The following FAM120B variants were observed in gnomAD, a reference collection of about 807,000 sequenced individuals.
FAM120B encodes the protein constitutive coactivator of peroxisome proliferator-activated receptor gamma.
FAM120B carries 83 observed loss-of-function variants against 96.3 expected under a neutral mutation model. The observed-to-expected ratio is 0.86, with a 90% CI of 0.72 to 1.03. FAM120B has a LOEUF of 1.03. FAM120B is among the 50% of genes least tolerant of loss of function. The pLI is 0.00. For missense variants in FAM120B, 1,027 were observed against 1,121.2 expected (o/e 0.92, Z 1.20); for synonymous variants, 407 against 402.7 (o/e 1.01, Z -0.13).
intron 9 of FAM120B, among the ~76,000 whole-genome samples, chr6:170,399,296 A>G (rs1395554356): frequency 6.8e-6 from 1 of 147,648 alleles, no homozygotes; most frequent in African/African-American, 2.6e-5. Context: ...TGGGGAAGGT[A>G]GAACTATGTC....
intron 9 of FAM120B, among the ~76,000 whole-genome samples, chr6:170,399,110 T>A (rs1282868202): frequency 6.7e-6 from 1 of 148,152 alleles, no homozygotes; most frequent in African/African-American, 2.5e-5. Context: ...GGTAGAACTA[T>A]GTCATAACTC....
chr6:170,344,684 C>G (rs1787062331), intron 4 of FAM120B, among the ~76,000 whole-genome samples: 1 of 152,230 alleles, frequency 6.6e-6, no homozygotes, highest in African/African-American at 2.4e-5. Context: ...CCTCAGCATG[C>G]TTCCCCTAAT....
In FAM120B at chr6:170,370,201, G is replaced by A. The variant is rs1302454484; in HGVS notation, c.2283+11883G>A. ...GCACCTCACAGACTTCCCCAGCGGGGCGGCCCCCAGGCCTTGTGTCCTCCT... is the reference window on the plus strand; with the variant it reads ...GCACCTCACAGACTTCCCCAGCGGGACGGCCCCCAGGCCTTGTGTCCTCCT... On this transcript the variant is annotated intron_variant, in intron 6 of 10. Coordinates refer to ENST00000476287, the MANE Select transcript of FAM120B (RefSeq NM_032448.3). The surrounding 1 kb of genome is among the most constrained non-coding windows in gnomAD (Gnocchi z 4.3). 6.6e-6 allele frequency among the ~76,000 whole-genome samples: 1 copy of A among 152,214 alleles called. No individual in the cohort carries two copies. The highest frequency in any genetic ancestry group is 1.5e-5 in the Non-Finnish European group (1 of 68,050).
chr6:170,305,688 T>A (rs896745260), upstream of FAM120B, among the ~76,000 whole-genome samples: 45 of 126,866 alleles, frequency 3.5e-4, no homozygotes, highest in African/African-American at 1.5e-3. Context: ...GTCAATAACT[T>A]ACTTTTCAGA....
intron 9 of FAM120B, among the ~76,000 whole-genome samples, chr6:170,400,381 G>C (rs1470610613): frequency 6.6e-6 from 1 of 152,122 alleles, no homozygotes; most frequent in South Asian, 2.1e-4. Flanking sequence ...AGGTGGAGTG[G>C]GACCTGTTTG....
At chr6:170,369,487 A>G (rs529142231) in intron 6 of FAM120B, among the ~76,000 whole-genome samples, 28 of 152,314 alleles carry the variant, frequency 1.8e-4, no homozygotes, top group African/African-American at 6.3e-4. Flanking sequence ...AGGAAGCAAG[A>G]AAAGGTAAGA....
upstream of FAM120B, among the ~76,000 whole-genome samples, chr6:170,292,163 C>T (rs1783896187): frequency 6.6e-6 from 1 of 152,226 alleles, no homozygotes; most frequent in African/African-American, 2.4e-5. The surrounding 1 kb of genome is among the most constrained non-coding windows in gnomAD (Gnocchi z 6.6). Context: ...CAGCCCCGGC[C>T]CCCAACCCAC....
At chr6:170,311,057 C>T (rs1784562053) in intron 1 of FAM120B, among the ~76,000 whole-genome samples, 1 of 152,262 alleles carries the variant, frequency 6.6e-6, no homozygotes, top group Admixed American at 6.5e-5. Flanking sequence ...AGTGGCCCTG[C>T]ATCCCTCTAG....
Position 170,348,172 on chromosome 6 carries a change from T to C in FAM120B, c.2039T>C (p.Ile680Thr). 6.2e-7 allele frequency: 1 copy of C among 1,613,862 alleles called. No individual in the cohort carries two copies. Among genetic ancestry groups the C allele is most frequent in the Non-Finnish European group, 8.5e-7 (1 of 1,179,900 alleles). Reference protein sequence around the residue: ...TIPGGTPSLKILWLNQEPEIQ... With the variant: ...TIPGGTPSLKTLWLNQEPEIQ... Reference sequence around the variant, plus strand: ...CTAGGGGGAACGCCTAGTTTGAAAATATTATGGCTGAACCAAGAGCCAGAA... The same window carrying C: ...CTAGGGGGAACGCCTAGTTTGAAAACATTATGGCTGAACCAAGAGCCAGAA... Residue 680 changes from isoleucine (I) to threonine (T), a missense_variant, in exon 5 of 11, where the codon ATA (isoleucine) becomes ACA (threonine). Around this residue, in one of 3 missense-constraint regions of FAM120B, gnomAD observed 880 missense variants for 980.9 expected, o/e 0.90. Coordinates refer to ENST00000476287, the MANE Select transcript of FAM120B (RefSeq NM_032448.3).
At chr6:170,315,109 T>C (rs1275927022) in intron 1 of FAM120B, among the ~76,000 whole-genome samples, 1 of 152,234 alleles carries the variant, frequency 6.6e-6, no homozygotes, top group African/African-American at 2.4e-5. Flanking sequence ...TCCTTTCTGC[T>C]GTCCAGGGGC....
At chr6:170,388,958 A>G (rs555139017) in intron 7 of FAM120B, among the ~76,000 whole-genome samples, 13 of 152,354 alleles carry the variant, frequency 8.5e-5, no homozygotes, top group African/African-American at 3.1e-4. Flanking sequence ...CAATAAAGTA[A>G]GTGAGCTAGA....
At chr6:170,353,050 T>C (rs1787680313) in intron 5 of FAM120B, among the ~76,000 whole-genome samples, 1 of 151,986 alleles carries the variant, frequency 6.6e-6, no homozygotes. Flanking sequence ...TTATCACCAC[T>C]CACCTCACAG....
chr6:170,400,377 A>T (rs185145134), intron 9 of FAM120B, among the ~76,000 whole-genome samples: 2 of 152,246 alleles, frequency 1.3e-5, no homozygotes, highest in Admixed American at 1.3e-4. Context: ...AGGCAGGTGG[A>T]GTGGGACCTG....
At chr6:170,331,988 AG>A (rs1173303803) in intron 4 of FAM120B, among the ~76,000 whole-genome samples, 1 of 152,208 alleles carries the variant, frequency 6.6e-6, no homozygotes, top group Non-Finnish European at 1.5e-5. Flanking sequence ...TTTTATACGG[AG>A]GGCCACGTCT....
At chr6:170,391,721 GT>G (rs1307407205) in intron 8 of FAM120B, among the ~76,000 whole-genome samples, 3 of 152,170 alleles carry the variant, frequency 2.0e-5, no homozygotes, top group Non-Finnish European at 4.4e-5. Flanking sequence ...TTTGACAAGA[GT>G]TTAGGTTTAT....
At chr6:170,393,665 A>G (rs1243949647) in intron 8 of FAM120B, among the ~76,000 whole-genome samples, 1 of 152,210 alleles carries the variant, frequency 6.6e-6, no homozygotes, top group South Asian at 2.1e-4. Context: ...TTAAGGTTCT[A>G]TGGTTCAGTC....
chr6:170,312,059 A>T (rs190744443), intron 1 of FAM120B, among the ~76,000 whole-genome samples: 29 of 152,356 alleles, frequency 1.9e-4, no homozygotes, highest in Admixed American at 4.6e-4. Context: ...TCTGTTATAC[A>T]TGACACTGTA....
At chr6:170,360,192 G>C (rs1788247749) in intron 6 of FAM120B, among the ~76,000 whole-genome samples, 1 of 152,164 alleles carries the variant, frequency 6.6e-6, no homozygotes, top group African/African-American at 2.4e-5. Context: ...GAGGGAGCTG[G>C]GTCTACCCTT....
intron 6 of FAM120B, among the ~76,000 whole-genome samples, chr6:170,384,770 G>A (rs1287136443): frequency 6.6e-6 from 1 of 152,230 alleles, no homozygotes; most frequent in Non-Finnish European, 1.5e-5. Context: ...GTGGGTCTGT[G>A]AGCTAAGAAT....
Sources: allele counts gnomAD v4.1 joint callset (sites outside exome capture counted in the v4.1 genomes callset), GRCh38; gene constraint gnomAD v4.1.1; regional missense constraint gnomAD v4.1.1; non-coding constraint Gnocchi (gnomAD v3.1); transcripts MANE v1.5; gene names NCBI Gene and HGNC (gene_info 2026-07-23, HGNC 2026-07-21).